The following NR5A1 variants were observed in gnomAD, a reference collection of about 807,000 sequenced individuals.
NR5A1 encodes the protein nuclear receptor subfamily 5 group A member 1.
Under a neutral mutation model 42.7 loss-of-function variants are expected in NR5A1, and 6 were observed. The ratio of observed to expected loss-of-function variants is 0.14; its 90% confidence interval spans 0.08 to 0.28. The LOEUF is 0.28. Among genes scored for constraint, NR5A1 ranks in the 10% least tolerant of loss-of-function variants. NR5A1 has a pLI of 1.00. For synonymous variants in NR5A1, 274 were observed against 277.5 expected (o/e 0.99, Z 0.12); for missense variants, 442 against 626.4 (o/e 0.71, Z 3.14).
rs1282897575 is a variant in NR5A1, at chr9:124,498,176, C to G, written c.870+1914G>C. On this transcript the variant is annotated intron_variant, in intron 4 of 6. Transcript: ENST00000373588. The surrounding 1 kb of genome is among the most constrained non-coding windows in gnomAD (Gnocchi z 4.6). The stretch of plus-strand genomic sequence containing the variant: ...GAAGAGACGCCGGAGTCACCCACAC[C>G]CCTCCCACTTTTCTGTCTCCTCACC... Among the ~76,000 whole-genome samples the G allele has an allele frequency of 6.6e-6, 1 of 152,090 alleles. No homozygotes were observed. The highest frequency in any genetic ancestry group is 1.5e-5 in the Non-Finnish European group (1 of 68,020).
At chr9:124,494,933 T>C (rs1477338319) in intron 4 of NR5A1, among the ~76,000 whole-genome samples, 2 of 152,300 alleles carry the variant, frequency 1.3e-5, no homozygotes, top group East Asian at 1.9e-4. Context: ...CTCTGTCTCG[T>C]AGGAGATAGA....
chr9:124,494,922 G>C (rs1023095022), intron 4 of NR5A1, among the ~76,000 whole-genome samples: 1 of 152,222 alleles, frequency 6.6e-6, no homozygotes, highest in Non-Finnish European at 1.5e-5. Flanking sequence ...CTAATGAACA[G>C]CTCTGTCTCG....
At chr9:124,491,018 C>T in intron 6 of NR5A1, 63 bp downstream of exon 6, 2 of 397,840 alleles carry the variant, frequency 5.0e-6, no homozygotes, top group Non-Finnish European at 5.1e-6. Context: ...TCCAGCCTCA[C>T]CCACCCTCCC....
rs756097908 is a variant in NR5A1, at chr9:124,498,359, A to G, written c.870+1731T>C. Among the ~76,000 whole-genome samples the G allele has an allele frequency of 6.6e-6, 1 of 152,190 alleles. No homozygotes were observed. The highest frequency in any genetic ancestry group is 1.5e-5 in the Non-Finnish European group (1 of 68,024). Reference sequence around the variant, plus strand: ...ACCACTGCTCATAATCCCGGGCTCAATTCAAAGACTTTGAGAAGGGGAAGC... The same window carrying G: ...ACCACTGCTCATAATCCCGGGCTCAGTTCAAAGACTTTGAGAAGGGGAAGC... On this transcript the variant is annotated intron_variant, in intron 4 of 6. Coordinates refer to ENST00000373588, the MANE Select transcript of NR5A1 (RefSeq NM_004959.5). This position sits in a 1 kb window ranked among gnomAD's most constrained non-coding sequence, Gnocchi z 4.6.
rs1351609909 is a variant in NR5A1 at position 124,481,613 on chromosome 9, C to T, written c.*1145G>A. The T allele has an allele frequency of 3.9e-5, 6 of 152,302 alleles. No individual in the cohort carries two copies. Among genetic ancestry groups the T allele is most frequent in the East Asian group, 1.9e-4 (1 of 5,196 alleles). The allele number at this position is 152,302 out of a possible 1,614,324, so 9.4% of individuals were successfully genotyped here. A position where few individuals can be genotyped will look rare whatever the true frequency, so the allele number is the denominator to read the frequency against. On this transcript the variant is annotated 3_prime_UTR_variant, in exon 7 of 7. Coordinates refer to ENST00000373588, the MANE Select transcript of NR5A1 (RefSeq NM_004959.5). ...CATGGGTTTGCAGCAAGGGACCCAA[C>T]GGGTTGGAGCCACAGAGAGGGGATC... is the stretch of plus-strand genomic sequence containing the variant.
In NR5A1 at chr9:124,483,157, G is replaced by A. The variant is rs899085909; in HGVS notation, c.1139-152C>T. On this transcript the variant is annotated intron_variant, in intron 6 of 6. Transcript: ENST00000373588. ...ACCAACCATGCAACATGGTCTCCCC[G>A]TTGGCACCGTGTCGCCATCACCATT... The A allele has an allele frequency of 7.1e-6, 11 of 1,553,142 alleles. No homozygotes were observed. The East Asian group carries it at 9.0e-5, about 13-fold the overall frequency.
In NR5A1 at chr9:124,503,634, C is replaced by T. The variant is rs959428787; in HGVS notation, c.-15-224G>A. Among the ~76,000 whole-genome samples the T allele has an allele frequency of 6.6e-5, 10 of 152,276 alleles. No homozygotes were observed. The South Asian group carries it at 1.2e-3, about 19-fold the overall frequency. ...GCCAGGCCCCACGCTCCCGCCCCGTCCGGGGGGCTCCTCCCGCGCGGACCC... is the reference window on the plus strand; with the variant it reads ...GCCAGGCCCCACGCTCCCGCCCCGTTCGGGGGGCTCCTCCCGCGCGGACCC... On this transcript the variant is annotated intron_variant, in intron 1 of 6. Transcript: ENST00000373588. The surrounding 1 kb of genome is among the most constrained non-coding windows in gnomAD (Gnocchi z 9.6).
chr9:124,485,605 C>G (rs1832196105), intron 6 of NR5A1, among the ~76,000 whole-genome samples: 1 of 152,194 alleles, frequency 6.6e-6, no homozygotes, highest in Admixed American at 6.5e-5. Flanking sequence ...CCCAGGGTCA[C>G]CACTAACCCT....
Position 124,491,081 on chromosome 9 carries a change from C to G in NR5A1, c.1138G>C (p.Asp380His). ...TCTCTGTCACTGGAGCTGCACTCAC[C>G]CAGGCTGAAGAGGATGATGAACTTG... ...CLKFIILFSL[D>H]LKFLNNHILV... is the part of the protein sequence containing the mutation. The change falls in exon 6 of 7, where the codon GAT becomes CAT. Residue 380 changes from aspartate to histidine, a missense_variant and splice_region_variant. Physicochemically the swap from Asp to His is moderately conservative, Grantham distance 81. Coordinates refer to ENST00000373588, the MANE Select transcript of NR5A1 (RefSeq NM_004959.5). 1 of 1,548,578 alleles carries G rather than the reference C, an allele frequency of 6.5e-7. No homozygotes were observed. Among genetic ancestry groups the G allele is most frequent in the South Asian group, 1.1e-5 (1 of 88,628 alleles).
intron 6 of NR5A1, among the ~76,000 whole-genome samples, chr9:124,490,620 G>T (rs1450445256): frequency 6.6e-6 from 1 of 152,110 alleles, no homozygotes; most frequent in Non-Finnish European, 1.5e-5. Context: ...CTCCCCTAGA[G>T]AAGGTCAGTA....
At position 124,500,471 on chromosome 9, in the gene NR5A1, G is replaced by T. The variant is rs1458251800; in HGVS notation, c.489C>A (p.Asp163Glu). Residue 163 changes from aspartate to glutamate, a missense_variant, in exon 4 of 7, where the codon GAC (aspartate) becomes GAA (glutamate). Transcript: ENST00000373588. This position sits in a 1 kb window ranked among gnomAD's most constrained non-coding sequence, Gnocchi z 6.9. Reference protein sequence around the residue: ...AAGPPAGPLGDFGAPALPMAV... With the variant: ...AAGPPAGPLGEFGAPALPMAV... The stretch of plus-strand genomic sequence containing the variant: ...CCATGGGCAGTGCTGGGGCCCCAAA[G>T]TCGCCCAGTGGCCCAGCAGGTGGAC... The T allele has an allele frequency of 6.3e-7, 1 of 1,596,458 alleles. No individual in the cohort carries two copies. Among genetic ancestry groups the T allele is most frequent in the Admixed American group, 1.7e-5 (1 of 58,238 alleles).
chr9:124,503,269 C>A lies in NR5A1; in HGVS notation c.102+25G>T. ...GGCCCCGCAGCGCCCGTCTGCCGCACCCCTGCCGCGCGCTCGCCGCTCACC... is the reference window on the plus strand; with the variant it reads ...GGCCCCGCAGCGCCCGTCTGCCGCAACCCTGCCGCGCGCTCGCCGCTCACC... On this transcript the variant is annotated intron_variant, in intron 2 of 6. Transcript: ENST00000373588. The surrounding 1 kb of genome is among the most constrained non-coding windows in gnomAD (Gnocchi z 9.6). 1 of 1,606,834 alleles carries A rather than the reference C, an allele frequency of 6.2e-7. No individual in the cohort carries two copies. The highest frequency in any genetic ancestry group is 8.5e-7 in the Non-Finnish European group (1 of 1,177,414).
intron 6 of NR5A1, among the ~76,000 whole-genome samples, chr9:124,484,625 G>A (rs561148753): frequency 9.9e-5 from 15 of 152,164 alleles, no homozygotes; most frequent in Admixed American, 2.0e-4. Context: ...ATGGTGGCGC[G>A]CACCTGTAAT....
Position 124,500,009 on chromosome 9 carries a change from A to G in NR5A1, c.870+81T>C, listed in dbSNP as rs1588621647. 1.1e-5 allele frequency: 17 copies of G among 1,605,524 alleles called. No homozygotes were observed. In the South Asian group the frequency reaches 1.7e-4, roughly 16 times the overall value. Reference sequence around the variant, plus strand: ...TGAAGCCAGTGGGAAGGATGGCCCTATCCAAAGGACAGTCGGGCTAAGGCT... The same window carrying G: ...TGAAGCCAGTGGGAAGGATGGCCCTGTCCAAAGGACAGTCGGGCTAAGGCT... On this transcript the variant is annotated intron_variant, in intron 4 of 6. Coordinates refer to ENST00000373588, the MANE Select transcript of NR5A1 (RefSeq NM_004959.5). This position sits in a 1 kb window ranked among gnomAD's most constrained non-coding sequence, Gnocchi z 6.9.
chr9:124,483,071 C>T (rs1832153748), intron 6 of NR5A1, 66 bp from the exon 7 acceptor site: 12 of 1,607,202 alleles, frequency 7.5e-6, no homozygotes, highest in Middle Eastern at 1.6e-4. Flanking sequence ...GGGCCAACAC[C>T]GTCACCAGCA....
chr9:124,505,345 G>A (rs1832540808), intron 1 of NR5A1, among the ~76,000 whole-genome samples: 1 of 152,242 alleles, frequency 6.6e-6, no homozygotes, highest in Non-Finnish European at 1.5e-5. Flanking sequence ...AGTGGGTAAG[G>A]GCGAGTGGCG....
chr9:124,491,023 C>G lies in NR5A1; in HGVS notation c.1138+58G>C. ...GGGCTACCTCTCCAGCCTCACCCAC[C>G]CTCCCACCCACCCGCCTCTGGCTGT... is the stretch of plus-strand genomic sequence containing the variant. On this transcript the variant is annotated intron_variant, in intron 6 of 6. Coordinates refer to ENST00000373588, the MANE Select transcript of NR5A1 (RefSeq NM_004959.5). The G allele has an allele frequency of 6.6e-6, 4 of 605,570 alleles. 1 individual carries two copies. Among genetic ancestry groups the G allele is most frequent in the Non-Finnish European group, 1.1e-5 (4 of 352,320 alleles). The allele number at this position is 605,570 out of a possible 1,614,324, so 37.5% of individuals were successfully genotyped here.
chr9:124,483,739 G>T (rs984010701), intron 6 of NR5A1, among the ~76,000 whole-genome samples: 1 of 152,146 alleles, frequency 6.6e-6, no homozygotes, highest in African/African-American at 2.4e-5. Flanking sequence ...TCAGCACCAC[G>T]CCCACAGAGG....
At chr9:124,485,785 T>C (rs1422594759) in intron 6 of NR5A1, among the ~76,000 whole-genome samples, 1 of 152,132 alleles carries the variant, frequency 6.6e-6, no homozygotes, top group East Asian at 1.9e-4. Context: ...TATTCAAAGG[T>C]CATGGGAAGT....
Sources: allele counts gnomAD v4.1 joint callset (sites outside exome capture counted in the v4.1 genomes callset), GRCh38; gene constraint gnomAD v4.1.1; non-coding constraint Gnocchi (gnomAD v3.1); transcripts MANE v1.5; gene names NCBI Gene and HGNC (gene_info 2026-07-23, HGNC 2026-07-21).